The following SGCZ variants were observed in gnomAD, a reference collection of about 807,000 sequenced individuals.
SGCZ encodes the protein sarcoglycan zeta, also known as zeta-sarcoglycan.
A neutral mutation model predicts 41.3 loss-of-function variants in SGCZ; 40 were observed. That is an observed-to-expected ratio of 0.97 (90% CI 0.75 to 1.26). The LOEUF (loss-of-function observed/expected upper bound fraction) is 1.26. Ranked by LOEUF, SGCZ falls within the 50% of genes most tolerant of loss-of-function variation. SGCZ has a pLI of 0.00. For missense variants in SGCZ, 552 were observed against 369.8 expected, an observed-to-expected ratio of 1.49 and a Z score of -4.04; for synonymous variants, 206 against 137.5, an observed-to-expected ratio of 1.50 and a Z score of -3.49.
chr8:14,604,756 A>G (rs777314529), intron 1 of SGCZ, among the ~76,000 whole-genome samples: 3 of 152,150 alleles, frequency 2.0e-5, no homozygotes, highest in Non-Finnish European at 2.9e-5. Context: ...TTACTTAAAT[A>G]TATTTTGATG....
At chr8:14,659,698 T>C (rs1807687513) in intron 1 of SGCZ, among the ~76,000 whole-genome samples, 1 of 152,176 alleles carries the variant, frequency 6.6e-6, no homozygotes. Context: ...TCTCTGCTCC[T>C]GCTATAGGTC....
chr8:14,163,738 C>T (rs888871820), intron 5 of SGCZ, among the ~76,000 whole-genome samples: 1 of 152,122 alleles, frequency 6.6e-6, no homozygotes, highest in African/African-American at 2.4e-5. Flanking sequence ...TCTTCAATTG[C>T]CATGCTAACT....
chr8:14,381,714 A>G (rs1010982596), intron 2 of SGCZ, among the ~76,000 whole-genome samples: 7 of 151,898 alleles, frequency 4.6e-5, no homozygotes. Flanking sequence ...TGAGCCCAGG[A>G]GGTCGAGGCT....
chr8:14,991,923 T>C (rs560239915), intron 1 of SGCZ, among the ~76,000 whole-genome samples: 1 of 150,790 alleles, frequency 6.6e-6, no homozygotes, highest in African/African-American at 2.4e-5. Flanking sequence ...CCAAAACCAG[T>C]GTTACCCTTG....
chr8:15,117,447 C>G (rs889779015), intron 1 of SGCZ, among the ~76,000 whole-genome samples: 1 of 152,000 alleles, frequency 6.6e-6, no homozygotes, highest in Non-Finnish European at 1.5e-5. Context: ...CAACAAAATG[C>G]TATTAATTTA....
At chr8:14,309,117 A>G in intron 3 of SGCZ, 4 of 1,463,216 alleles carry the variant, frequency 2.7e-6, no homozygotes, top group East Asian at 2.3e-5. Context: ...CCAGAACACT[A>G]TATTAAACAT....
At position 14,363,452 on chromosome 8, in the gene SGCZ, T is replaced by C. The variant is rs147653910; in HGVS notation, c.235-39248A>G. Among the ~76,000 whole-genome samples the C allele has an allele frequency of 8.8e-3, 1,344 of 152,320 alleles. 13 individuals are homozygous for C. The highest frequency in any genetic ancestry group is 0.02 in the South Asian group (98 of 4,834). ...AGCAGCACTTTGGCATTTTGTTTTA[T>C]GCCCGTAGGTAATAAGCCCAAGACA... is the stretch of plus-strand genomic sequence containing the variant. On this transcript the variant is annotated intron_variant, in intron 2 of 7. Transcript: ENST00000382080.
At chr8:14,343,223 G>C (rs925267215) in intron 2 of SGCZ, among the ~76,000 whole-genome samples, 17 of 152,230 alleles carry the variant, frequency 1.1e-4, no homozygotes, top group African/African-American at 3.1e-4. Context: ...TGCTAGTGCA[G>C]TCCAGAAGGG....
chr8:14,851,540 G>T (rs1308972174), intron 1 of SGCZ, among the ~76,000 whole-genome samples: 1 of 152,030 alleles, frequency 6.6e-6, no homozygotes, highest in Non-Finnish European at 1.5e-5. Context: ...TCAAGCCTTT[G>T]TAAATAATGA....
At chr8:14,438,168 T>C (rs1359401424) in intron 2 of SGCZ, among the ~76,000 whole-genome samples, 1 of 152,020 alleles carries the variant, frequency 6.6e-6, no homozygotes, top group East Asian at 1.9e-4. Context: ...AACTTTAGCA[T>C]GTTGTAAAAA....
At chr8:14,287,441 G>A (rs1800679532) in intron 3 of SGCZ, among the ~76,000 whole-genome samples, 1 of 143,080 alleles carries the variant, frequency 7.0e-6, no homozygotes, top group South Asian at 2.3e-4. Context: ...TTTCTGTCTG[G>A]TGGAAAAAAA....
At chr8:14,262,774 C>CATG (rs1365923327) in intron 3 of SGCZ, among the ~76,000 whole-genome samples, 1 of 147,844 alleles carries the variant, frequency 6.8e-6, no homozygotes, top group Non-Finnish European at 1.5e-5. Context: ...TTAAAAAAAT[C>CATG]ATGATGCAAA....
intron 1 of SGCZ, among the ~76,000 whole-genome samples, chr8:14,867,330 A>G (rs921470733): frequency 6.6e-6 from 1 of 151,892 alleles, no homozygotes; most frequent in Admixed American, 6.6e-5. Flanking sequence ...TATGTACTAT[A>G]TTTTCTTTAT....
chr8:14,442,438 T>A (rs1322374107), intron 2 of SGCZ, among the ~76,000 whole-genome samples: 1 of 152,154 alleles, frequency 6.6e-6, no homozygotes, highest in Non-Finnish European at 1.5e-5. Flanking sequence ...TTAAGTCTCT[T>A]TTTCTTTATA....
intron 1 of SGCZ, among the ~76,000 whole-genome samples, chr8:14,659,582 G>T (rs565165231): frequency 2.6e-5 from 4 of 152,078 alleles, no homozygotes; most frequent in African/African-American, 9.7e-5. Context: ...TACCTTGAGA[G>T]CCCATTCCAA....
At chr8:15,066,145 A>C (rs548835748) in intron 1 of SGCZ, among the ~76,000 whole-genome samples, 1 of 151,766 alleles carries the variant, frequency 6.6e-6, no homozygotes, top group East Asian at 1.9e-4. Context: ...CGTCTCTACC[A>C]AAAATACAAA....
At chr8:14,947,325 T>C (rs555890217) in intron 1 of SGCZ, among the ~76,000 whole-genome samples, 1 of 152,326 alleles carries the variant, frequency 6.6e-6, no homozygotes, top group South Asian at 2.1e-4. Context: ...TTTTTATCAG[T>C]GGCTGACATC....
At chr8:14,735,373 A>C (rs1798997010) in intron 1 of SGCZ, among the ~76,000 whole-genome samples, 1 of 152,214 alleles carries the variant, frequency 6.6e-6, no homozygotes, top group African/African-American at 2.4e-5. Context: ...GCACGGCTAA[A>C]ACAAAGCAGG....
chr8:14,702,830 TA>T (rs1467037333), intron 1 of SGCZ, among the ~76,000 whole-genome samples: 8 of 98,566 alleles, frequency 8.1e-5, no homozygotes, highest in Non-Finnish European at 1.2e-4. Context: ...GATAGATAGA[TA>T]GATAGATAGA....
Sources: gnomAD v4.1 joint callset for allele counts (sites outside exome capture counted in the v4.1 genomes callset) on GRCh38, gnomAD v4.1.1 for gene constraint, MANE v1.5 for transcripts, NCBI Gene and HGNC (gene_info 2026-07-23, HGNC 2026-07-21) for gene names.